The following NXN variants were observed in gnomAD, a reference collection of about 807,000 sequenced individuals.
NXN encodes the protein nucleoredoxin 1.
A neutral mutation model predicts 48.6 loss-of-function variants in NXN; 16 were observed. That is an observed-to-expected ratio of 0.33 (90% CI 0.22 to 0.50). NXN has a LOEUF of 0.50. Ranked by LOEUF, NXN falls within the 20% of genes least tolerant of loss-of-function variation. NXN has a pLI of 0.98. For missense variants in NXN, 492 were observed against 605.5 expected (o/e 0.81, Z 1.97); for synonymous variants, 281 against 269.6 (o/e 1.04, Z -0.41).
At chr17:874,872 A>G (rs1285803534) in intron 1 of NXN, among the ~76,000 whole-genome samples, 1 of 152,254 alleles carries the variant, frequency 6.6e-6, no homozygotes, top group Non-Finnish European at 1.5e-5. Flanking sequence ...AATCTGTTAC[A>G]GGTGAATAAA....
At chr17:888,034 G>A (rs36116770) in intron 1 of NXN, among the ~76,000 whole-genome samples, 2 of 152,236 alleles carry the variant, frequency 1.3e-5, no homozygotes, top group East Asian at 1.9e-4. Flanking sequence ...AAGCGTGCCA[G>A]GTACAGCACA....
chr17:913,323 G>T (rs1444749019), intron 1 of NXN, among the ~76,000 whole-genome samples: 3 of 152,100 alleles, frequency 2.0e-5, no homozygotes, highest in African/African-American at 7.2e-5. Context: ...CACCCCCACA[G>T]CCCAGGATGG....
intron 1 of NXN, among the ~76,000 whole-genome samples, chr17:922,126 G>A (rs999170069): frequency 1.3e-5 from 2 of 152,166 alleles, no homozygotes; most frequent in Non-Finnish European, 2.9e-5. Flanking sequence ...GGTTAGCCCT[G>A]TATTCAGGGA....
intron 1 of NXN, among the ~76,000 whole-genome samples, chr17:855,018 A>G (rs1477274702): frequency 2.6e-5 from 4 of 151,680 alleles, no homozygotes; most frequent in Non-Finnish European, 5.9e-5. Flanking sequence ...GCTCACACCT[A>G]TAACTACAAG....
At chr17:823,895 G>T in intron 2 of NXN, 130 bp from the exon 3 acceptor site, 3 of 795,564 alleles carry the variant, frequency 3.8e-6, no homozygotes, top group Non-Finnish European at 6.0e-6. Context: ...CGGCAGGCGT[G>T]ACAAGATAAT....
chr17:858,932 A>G (rs1597669696), intron 1 of NXN, among the ~76,000 whole-genome samples: 1 of 152,268 alleles, frequency 6.6e-6, no homozygotes, highest in East Asian at 1.9e-4. Context: ...AGCCAAGAGC[A>G]GGCAGGGGCC....
chr17:820,402 G>A (rs1912760932), intron 4 of NXN, among the ~76,000 whole-genome samples: 1 of 151,756 alleles, frequency 6.6e-6, no homozygotes, highest in South Asian at 2.1e-4. Context: ...ATGAGGTCAA[G>A]AGATCGAGAC....
chr17:883,109 A>T (rs2068303629), intron 1 of NXN, among the ~76,000 whole-genome samples: 1 of 152,152 alleles, frequency 6.6e-6, no homozygotes, highest in South Asian at 2.1e-4. Flanking sequence ...AGTCCTAGCT[A>T]CTTGGGGAAG....
intron 1 of NXN, among the ~76,000 whole-genome samples, chr17:847,102 T>C (rs969802530): frequency 2.0e-5 from 3 of 152,114 alleles, no homozygotes; most frequent in Admixed American, 6.6e-5. Context: ...GGAAGTGTGG[T>C]TGGTGGGAAC....
rs571667623 is a variant in NXN, at chr17:917,958, C to T, written c.360+61361G>A. 3.1e-4 allele frequency among the ~76,000 whole-genome samples: 47 copies of T among 152,274 alleles called. No homozygotes were observed. The highest frequency in any genetic ancestry group is 1.1e-3 in the African/African-American group (46 of 41,562). ...ATAATAATAAAATGTTTACTGAGCT[C>T]GTACTTTATGGAAGACACATGGCTC... is the stretch of plus-strand genomic sequence containing the variant. On this transcript the variant is annotated intron_variant, in intron 1 of 7. Transcript: ENST00000336868. The surrounding 1 kb of genome is among the most constrained non-coding windows in gnomAD (Gnocchi z 4.5).
chr17:855,621 G>C (rs939228579), intron 1 of NXN, among the ~76,000 whole-genome samples: 1 of 152,222 alleles, frequency 6.6e-6, no homozygotes, highest in African/African-American at 2.4e-5. Context: ...TCTCCAGCAA[G>C]TACAGGCAAG....
At chr17:852,407 T>C (rs1257614199) in intron 1 of NXN, among the ~76,000 whole-genome samples, 1 of 152,126 alleles carries the variant, frequency 6.6e-6, no homozygotes, top group African/African-American at 2.4e-5. Flanking sequence ...GGCATCTTGC[T>C]CCCCAAACTC....
chr17:847,007 G>C (rs1250648869), intron 1 of NXN, among the ~76,000 whole-genome samples: 1 of 152,076 alleles, frequency 6.6e-6, no homozygotes, highest in Admixed American at 6.6e-5. Context: ...ACTACGTAGC[G>C]CCTACCGCCC....
At chr17:895,587 C>A (rs567019020) in intron 1 of NXN, among the ~76,000 whole-genome samples, 2 of 149,642 alleles carry the variant, frequency 1.3e-5, no homozygotes, top group Non-Finnish European at 3.0e-5. Flanking sequence ...TCGAGGTGGG[C>A]GGATCACAGG....
rs1376932334 is a variant in NXN at position 885,841 on chromosome 17, C to T, written c.361-59763G>A. On this transcript the variant is annotated intron_variant, in intron 1 of 7. Coordinates refer to ENST00000336868, the MANE Select transcript of NXN (RefSeq NM_022463.5). ...GACTACAGGCGCCCGCCACCACGCC[C>T]GGCTAATTTTTTTTTTTTGTATTTT... 1.3e-4 allele frequency among the ~76,000 whole-genome samples: 17 copies of T among 133,412 alleles called. No homozygotes were observed. In the South Asian group the frequency reaches 2.1e-3, roughly 17 times the overall value. 87.5% of individuals were successfully genotyped at this position (133,412 alleles called of 152,430 possible).
At chr17:834,577 G>A (rs1207183625) in intron 1 of NXN, among the ~76,000 whole-genome samples, 1 of 152,082 alleles carries the variant, frequency 6.6e-6, no homozygotes, top group Non-Finnish European at 1.5e-5. Flanking sequence ...ACCATGCCTG[G>A]CTAATTTTTG....
intron 1 of NXN, among the ~76,000 whole-genome samples, chr17:939,833 G>A (rs1274531309): frequency 6.6e-6 from 1 of 152,128 alleles, no homozygotes; most frequent in Admixed American, 6.6e-5. Context: ...TTTTGTATTC[G>A]ATGATCCATT....
intron 1 of NXN, among the ~76,000 whole-genome samples, chr17:913,603 CCCA>C (rs1567860100): frequency 4.7e-5 from 7 of 148,722 alleles, no homozygotes; most frequent in African/African-American, 1.8e-4. Flanking sequence ...TCCACCTACC[CCCA>C]CGTCCCCAGG....
chr17:835,164 C>G (rs896178599), intron 1 of NXN, among the ~76,000 whole-genome samples: 4 of 151,226 alleles, frequency 2.6e-5, no homozygotes, highest in African/African-American at 9.7e-5. Context: ...AAAAATTAGC[C>G]GGGTGTGGTG....
Sources: allele counts gnomAD v4.1 joint callset (sites outside exome capture counted in the v4.1 genomes callset), GRCh38; gene constraint gnomAD v4.1.1; non-coding constraint Gnocchi (gnomAD v3.1); transcripts MANE v1.5; gene names NCBI Gene and HGNC (gene_info 2026-07-23, HGNC 2026-07-21).